Variants in CDKAL1 observed in about 807,000 individuals in gnomAD.
CDKAL1 encodes threonylcarbamoyladenosine tRNA methylthiotransferase.
A neutral mutation model predicts 68.2 loss-of-function variants in CDKAL1; 32 were observed. The observed-to-expected ratio is 0.47, with a 90% confidence interval of 0.35 to 0.63. CDKAL1 has a LOEUF of 0.63. Ranked by LOEUF, CDKAL1 falls within the 30% of genes least tolerant of loss-of-function variation. The pLI, the probability that CDKAL1 is intolerant of heterozygous loss-of-function variation, is 0.00. For synonymous variants in CDKAL1, 234 were observed against 244.3 expected, an observed-to-expected ratio of 0.96 and a Z score of 0.39; for missense variants, 606 against 696.7, an observed-to-expected ratio of 0.87 and a Z score of 1.47.
chr6:21,124,636 C>T (rs544450783), intron 13 of CDKAL1, among the ~76,000 whole-genome samples: 13 of 151,180 alleles, frequency 8.6e-5, no homozygotes, highest in South Asian at 2.1e-4. Flanking sequence ...GGTTTGACCT[C>T]GTTCTCTTTG....
intron 9 of CDKAL1, among the ~76,000 whole-genome samples, chr6:20,888,221 C>T (rs923862177): frequency 1.3e-5 from 2 of 150,478 alleles, no homozygotes; most frequent in South Asian, 2.1e-4. Context: ...TGAGAATATG[C>T]AGTGTTTGGT....
chr6:21,138,852 G>C (rs186328072), intron 13 of CDKAL1, among the ~76,000 whole-genome samples: 59 of 152,242 alleles, frequency 3.9e-4, no homozygotes, highest in Non-Finnish European at 6.5e-4. Flanking sequence ...TCCCACCCCG[G>C]AGAACACTGT....
At chr6:21,058,167 A>T (rs1173428336) in intron 11 of CDKAL1, among the ~76,000 whole-genome samples, 1 of 152,170 alleles carries the variant, frequency 6.6e-6, no homozygotes, top group Non-Finnish European at 1.5e-5. Flanking sequence ...GTAGGTCTCT[A>T]AGAACTTGTT....
At chr6:21,187,651 G>A (rs1778067351) in intron 13 of CDKAL1, among the ~76,000 whole-genome samples, 1 of 152,124 alleles carries the variant, frequency 6.6e-6, no homozygotes, top group Non-Finnish European at 1.5e-5. Flanking sequence ...TTTGGAATGA[G>A]GACTTGGAGC....
At chr6:21,209,568 G>A (rs2151116159) in intron 15 of CDKAL1, among the ~76,000 whole-genome samples, 1 of 152,314 alleles carries the variant, frequency 6.6e-6, no homozygotes, top group Admixed American at 6.5e-5. Context: ...GGTAGGGAGG[G>A]ATTGGTGTGA....
At chr6:20,981,524 C>T (rs1334991981) in intron 10 of CDKAL1, among the ~76,000 whole-genome samples, 2 of 152,084 alleles carry the variant, frequency 1.3e-5, no homozygotes, top group East Asian at 1.9e-4. Context: ...AGGGCAATAG[C>T]AATCATCTAA....
At chr6:20,910,692 C>T (rs1170412024) in intron 9 of CDKAL1, among the ~76,000 whole-genome samples, 1 of 152,164 alleles carries the variant, frequency 6.6e-6, no homozygotes, top group East Asian at 1.9e-4. Context: ...GAAATTCTAA[C>T]CCTGAATACC....
chr6:20,888,693 C>T (rs1201975064), intron 9 of CDKAL1, among the ~76,000 whole-genome samples: 2 of 151,806 alleles, frequency 1.3e-5, no homozygotes, highest in African/African-American at 2.4e-5. Flanking sequence ...CTACAAAGGA[C>T]ATGAACTCAT....
At chr6:20,973,048 A>T (rs1765669867) in intron 10 of CDKAL1, among the ~76,000 whole-genome samples, 2 of 149,564 alleles carry the variant, frequency 1.3e-5, no homozygotes, top group Admixed American at 6.7e-5. Context: ...ATTACTCTCC[A>T]GCCTGGGCAA....
chr6:20,567,921 GC>G (rs1764525694), intron 4 of CDKAL1, among the ~76,000 whole-genome samples: 1 of 151,700 alleles, frequency 6.6e-6, no homozygotes, highest in South Asian at 2.1e-4. Context: ...TGTCGCCCAG[GC>G]TGGAGTGCAG....
chr6:21,201,317 G>T, intron 15 of CDKAL1, 43 bp downstream of exon 15: 1 of 1,528,472 alleles, frequency 6.5e-7, no homozygotes. Context: ...TAGTAAAACA[G>T]CAGCTGTGGA....
At chr6:21,225,211 G>A (rs531138890) in intron 15 of CDKAL1, among the ~76,000 whole-genome samples, 10 of 152,274 alleles carry the variant, frequency 6.6e-5, no homozygotes, top group African/African-American at 1.9e-4. Context: ...GTGGTTGAGA[G>A]AGGTTTTCCT....
intron 9 of CDKAL1, among the ~76,000 whole-genome samples, chr6:20,914,448 A>G (rs1762629261): frequency 6.6e-6 from 1 of 151,926 alleles, no homozygotes. Context: ...ATGAGAATTT[A>G]TCATGATCTG....
chr6:21,012,919 CTT>C (rs1201752703), intron 11 of CDKAL1, among the ~76,000 whole-genome samples: 2 of 152,200 alleles, frequency 1.3e-5, no homozygotes, highest in Non-Finnish European at 2.9e-5. Flanking sequence ...CCCTCACAAA[CTT>C]AGTAGCCTTT....
At chr6:21,082,393 T>A (rs1214553121) in intron 12 of CDKAL1, among the ~76,000 whole-genome samples, 1 of 152,224 alleles carries the variant, frequency 6.6e-6, no homozygotes, top group Non-Finnish European at 1.5e-5. Flanking sequence ...TTAGGTGTCT[T>A]TTATGACTTT....
chr6:20,771,215 G>A (rs1439397655), intron 7 of CDKAL1, among the ~76,000 whole-genome samples: 2 of 152,254 alleles, frequency 1.3e-5, no homozygotes, highest in Middle Eastern at 3.4e-3. Context: ...AATATAAAAT[G>A]TACATCCTCT....
Position 20,758,635 on chromosome 6 carries a change from C to T in CDKAL1, c.509C>T (p.Thr170Ile). The change falls in exon 7 of 16, where the codon ACA (threonine) becomes ATA (isoleucine). Residue 170 changes from threonine to isoleucine, a missense_variant. Coordinates refer to ENST00000274695, the MANE Select transcript of CDKAL1 (RefSeq NM_017774.3). ...IDRVVEVVEETIKGHSVRLLG... is the reference protein window; with the variant it reads ...IDRVVEVVEEIIKGHSVRLLG... ...CGTGTGGTAGAAGTTGTGGAGGAGA[C>T]AATTAAAGGTAATCGTTGAAAGTGA... The T allele has an allele frequency of 6.2e-7, 1 of 1,605,764 alleles. No individual in the cohort carries two copies. The highest frequency in any genetic ancestry group is 1.7e-5 in the Admixed American group (1 of 59,518).
Position 20,670,999 on chromosome 6 carries a change from A to G in CDKAL1, c.371+21622A>G, listed in dbSNP as rs1344803198. Among the ~76,000 whole-genome samples, 3 of 152,108 alleles carry G rather than the reference A, an allele frequency of 2.0e-5. No individual in the cohort carries two copies. The East Asian group carries it at 5.8e-4, about 29-fold the overall frequency. ...TGTGGCAGTGAGTGAACTTTTGCTT[A>G]TTGATTTTTATATTATTGGAGGTAT... On this transcript the variant is annotated intron_variant, in intron 5 of 15. Transcript: ENST00000274695.
intron 15 of CDKAL1, among the ~76,000 whole-genome samples, chr6:21,210,585 G>A (rs1483014458): frequency 6.6e-6 from 1 of 152,124 alleles, no homozygotes; most frequent in African/African-American, 2.4e-5. Flanking sequence ...CCAGTTTATG[G>A]CATTTTGTTA....
Sources: allele counts gnomAD v4.1 joint callset (sites outside exome capture counted in the v4.1 genomes callset), GRCh38; gene constraint gnomAD v4.1.1; transcripts MANE v1.5; gene names NCBI Gene and HGNC (gene_info 2026-07-23, HGNC 2026-07-21).